POLR1B: variants seen among roughly 807,000 people sequenced by gnomAD.
The protein encoded by POLR1B is RNA polymerase I subunit B.
In POLR1B, 30 loss-of-function variants were observed where a neutral mutation model predicts 105.8. The ratio of observed to expected loss-of-function variants is 0.28; its 90% confidence interval spans 0.21 to 0.38. The LOEUF is 0.38. POLR1B is among the 10% of genes least tolerant of loss of function. The pLI is 1.00. For synonymous variants in POLR1B, 485 were observed against 505.1 expected, an observed-to-expected ratio of 0.96 and a Z score of 0.53; for missense variants, 976 against 1,435.8, an observed-to-expected ratio of 0.68 and a Z score of 5.17.
intron 9 of POLR1B, among the ~76,000 whole-genome samples, chr2:112,562,097 G>A (rs1345712392): frequency 1.3e-5 from 2 of 152,136 alleles, no homozygotes; most frequent in African/African-American, 4.8e-5. Flanking sequence ...CTGACAAGAA[G>A]GCATGGCATC....
At chr2:112,567,060 C>T (rs926084489) in intron 10 of POLR1B, among the ~76,000 whole-genome samples, 4 of 151,924 alleles carry the variant, frequency 2.6e-5, no homozygotes, top group African/African-American at 9.7e-5. Context: ...TGTGGAGCAT[C>T]GGAGGATGAG....
intron 12 of POLR1B, among the ~76,000 whole-genome samples, chr2:112,569,493 T>A (rs1684476785): frequency 6.6e-6 from 1 of 152,222 alleles, no homozygotes; most frequent in Admixed American, 6.5e-5. Context: ...AAGTTGTTGT[T>A]ACACTGTCTC....
At chr2:112,561,906 A>T (rs1684009822) in intron 9 of POLR1B, among the ~76,000 whole-genome samples, 2 of 152,086 alleles carry the variant, frequency 1.3e-5, no homozygotes, top group East Asian at 1.9e-4. Flanking sequence ...TCCTGGCCTC[A>T]AGCATTCCTT....
At chr2:112,559,655 G>A (rs1683860680) in intron 9 of POLR1B, 81 bp downstream of exon 9, 1 of 1,509,578 alleles carries the variant, frequency 6.6e-7, no homozygotes, top group Non-Finnish European at 9.0e-7. Flanking sequence ...TTTTGAGATG[G>A]AGTGTTGCTA....
intron 7 of POLR1B, among the ~76,000 whole-genome samples, chr2:112,556,170 A>G (rs1239394213): frequency 2.6e-5 from 4 of 152,258 alleles, no homozygotes; most frequent in Admixed American, 1.3e-4. Context: ...CAAGAAAGGA[A>G]TCTAAACAGC....
rs143507322 is a variant in POLR1B at position 112,572,596 on chromosome 2, T to C, written c.2109T>C (p.Tyr703=). Residue 703 remains tyrosine (Y), a synonymous_variant, in exon 13 of 15, where the codon TAT becomes TAC. Transcript: ENST00000263331. The part of the protein sequence containing the change: ...KQTMGFPLLT[Y]QDRSDNKLYR... ...CTATGGGCTTTCCACTTCTCACTTA[T>C]CAAGACCGATCGGATAACAAACTGT... The C allele has an allele frequency of 4.3e-5, 69 of 1,607,342 alleles. No individual in the cohort carries two copies. The African/African-American group carries it at 5.1e-4, about 12-fold the overall frequency.
rs1277237826 is a variant in POLR1B at position 112,576,898 on chromosome 2, C to T, written c.*1169C>T. ...TTTATATTTAGTCTACACTTCCATA[C>T]TTGGCTTTTTTCTGCTTTTATATTG... On this transcript the variant is annotated 3_prime_UTR_variant, in exon 15 of 15. Coordinates refer to ENST00000263331, the MANE Select transcript of POLR1B (RefSeq NM_019014.6). 2 of 152,194 alleles carry T rather than the reference C, an allele frequency of 1.3e-5. No individual in the cohort carries two copies. The highest frequency in any genetic ancestry group is 2.9e-5 in the Non-Finnish European group (2 of 68,048). 9.4% of individuals were successfully genotyped at this position (152,194 alleles called of 1,614,324 possible).
Position 112,572,595 on chromosome 2 carries a change from A to T in POLR1B, c.2108A>T (p.Tyr703Phe). 1.2e-6 allele frequency: 2 copies of T among 1,607,310 alleles called. No individual in the cohort carries two copies. The highest frequency in any genetic ancestry group is 1.7e-6 in the Non-Finnish European group (2 of 1,177,050). ...ACTATGGGCTTTCCACTTCTCACTT[A>T]TCAAGACCGATCGGATAACAAACTG... ...KQTMGFPLLT[Y>F]QDRSDNKLYR... is the part of the protein sequence containing the mutation. The change falls in exon 13 of 15, where the codon TAT becomes TTT. Residue 703 changes from tyrosine (Y) to phenylalanine (F), a missense_variant. Coordinates refer to ENST00000263331, the MANE Select transcript of POLR1B (RefSeq NM_019014.6).
upstream of POLR1B, chr2:112,542,066 C>T: frequency 2.6e-6 from 4 of 1,519,362 alleles, no homozygotes; most frequent in Non-Finnish European, 3.5e-6. Flanking sequence ...CCAGGGTCGG[C>T]ATCAGCGTGG....
intron 4 of POLR1B, among the ~76,000 whole-genome samples, 179 bp downstream of exon 4, chr2:112,549,578 CCTT>C (rs1354470851): frequency 2.0e-5 from 3 of 148,894 alleles, no homozygotes; most frequent in African/African-American, 7.4e-5. Context: ...CTCAAGCAGT[CCTT>C]CTGCCTCAGC....
At chr2:112,572,949 G>GATAC (rs1344414931) in intron 13 of POLR1B, among the ~76,000 whole-genome samples, 191 bp downstream of exon 13, 2 of 152,202 alleles carry the variant, frequency 1.3e-5, no homozygotes, top group Non-Finnish European at 2.9e-5. Flanking sequence ...TAAATATTCA[G>GATAC]ATACACGTAT....
intron 7 of POLR1B, among the ~76,000 whole-genome samples, chr2:112,557,349 T>G (rs955985749): frequency 6.6e-6 from 1 of 152,216 alleles, no homozygotes; most frequent in Non-Finnish European, 1.5e-5. Context: ...GGCTTTTCAC[T>G]TAGTGTTGGC....
chr2:112,549,817 TTGA>T (rs1683268617), intron 4 of POLR1B, among the ~76,000 whole-genome samples: 1 of 152,290 alleles, frequency 6.6e-6, no homozygotes, highest in South Asian at 2.1e-4. Flanking sequence ...CTGCTTAAAA[TTGA>T]TGAGTACATT....
chr2:112,567,179 A>T lies in POLR1B; in HGVS notation c.1747-788A>T, dbSNP rs114285325. Among the ~76,000 whole-genome samples the T allele has an allele frequency of 2.6e-3, 398 of 152,150 alleles. 2 individuals are homozygous for T. The highest frequency in any genetic ancestry group is 9.3e-3 in the African/African-American group (386 of 41,494). On this transcript the variant is annotated intron_variant, in intron 10 of 14. Coordinates refer to ENST00000263331, the MANE Select transcript of POLR1B (RefSeq NM_019014.6). ...TCCAGAAACTTAATTTTGTTGCATA[A>T]CTGAAGCTTTATACTCTTTGACCAA...
rs1412105074 is a variant in POLR1B at position 112,575,182 on chromosome 2, A to G, written c.2861A>G (p.Glu954Gly). The G allele has an allele frequency of 2.5e-6, 4 of 1,614,116 alleles. No homozygotes were observed. The South Asian group carries it at 4.4e-5, about 18-fold the overall frequency. ...CHDATPFIFS[E>G]ENSALEYFGE... ...GATGCTACACCCTTCATCTTCTCAG[A>G]GGAGAACTCGGCCTTAGAATACTTT... Residue 954 changes from glutamate (E) to glycine (G), a missense_variant, in exon 15 of 15, where the codon GAG becomes GGG. This residue lies in a region of POLR1B where 35 missense variants were observed against 102.5 expected (regional missense o/e 0.34). Coordinates refer to ENST00000263331, the MANE Select transcript of POLR1B (RefSeq NM_019014.6). The surrounding 1 kb of genome is among the most constrained non-coding windows in gnomAD (Gnocchi z 5.3).
chr2:112,556,690 C>T (rs975641117), intron 7 of POLR1B, among the ~76,000 whole-genome samples: 2 of 152,216 alleles, frequency 1.3e-5, no homozygotes, highest in African/African-American at 4.8e-5. Context: ...CTATGTACAT[C>T]TTCCACGTTT....
intron 9 of POLR1B, among the ~76,000 whole-genome samples, chr2:112,563,302 G>T (rs1459023334): frequency 6.6e-6 from 1 of 151,936 alleles, no homozygotes; most frequent in Non-Finnish European, 1.5e-5. Context: ...TGATCTGCCC[G>T]CCTCTGCCTC....
intron 12 of POLR1B, among the ~76,000 whole-genome samples, chr2:112,570,540 C>T (rs1415055919): frequency 6.6e-6 from 1 of 152,164 alleles, no homozygotes; most frequent in East Asian, 1.9e-4. Flanking sequence ...CTACTACACA[C>T]CTAGTATATG....
chr2:112,568,175 G>C (rs1223793666), intron 11 of POLR1B, 38 bp downstream of exon 11: 1 of 1,571,100 alleles, frequency 6.4e-7, no homozygotes. Context: ...GTATGTGCTT[G>C]TTTGTATAGT....
Sources: gnomAD v4.1 joint callset for allele counts (sites outside exome capture counted in the v4.1 genomes callset) on GRCh38, gnomAD v4.1.1 for gene constraint, gnomAD v4.1.1 regional missense constraint, Gnocchi (gnomAD v3.1) non-coding constraint, MANE v1.5 for transcripts, NCBI Gene and HGNC (gene_info 2026-07-23, HGNC 2026-07-21) for gene names.